The following TSPAN13 variants were observed in gnomAD, a reference collection of about 807,000 sequenced individuals.
The protein encoded by TSPAN13 is tetraspanin 13, also known as tetraspanin-13.
Under a neutral mutation model 26.9 loss-of-function variants are expected in TSPAN13, and 18 were observed. The observed-to-expected ratio is 0.67, with a 90% CI of 0.46 to 0.99. The LOEUF is 0.99. Among genes scored for constraint, TSPAN13 ranks in the 50% least tolerant of loss-of-function variants. The pLI, the probability that TSPAN13 is intolerant of heterozygous loss-of-function variation, is 0.00. For synonymous variants in TSPAN13, 116 were observed against 98.4 expected, an observed-to-expected ratio of 1.18 and a Z score of -1.06; for missense variants, 201 against 249.6, an observed-to-expected ratio of 0.81 and a Z score of 1.31.
At chr7:16,780,344 C>T (rs547139642) in intron 5 of TSPAN13, among the ~76,000 whole-genome samples, 3 of 152,276 alleles carry the variant, frequency 2.0e-5, no homozygotes, top group Admixed American at 1.3e-4. Context: ...AAGTGATCTG[C>T]CAACCTCAAC....
In TSPAN13 at chr7:16,778,703, A is replaced by ATGATC. The variant is rs1225490043; in HGVS notation, c.427-298_427-297insATCTG. Among the ~76,000 whole-genome samples the ATGATC allele has an allele frequency of 2.6e-5, 4 of 152,312 alleles. No individual in the cohort carries two copies. In the East Asian group the frequency reaches 7.7e-4, roughly 29 times the overall value. On this transcript the variant is annotated intron_variant, in intron 4 of 5. Transcript: ENST00000262067. ...GTGAGAATCTCTCCATTCTGTTAAGATGGAGTCTTTTGTAATGCGTAATGG... is the reference window on the plus strand; with the variant it reads ...GTGAGAATCTCTCCATTCTGTTAAGATGATCTGGAGTCTTTTGTAATGCGTAATGG...
At chr7:16,754,102 C>T (rs1199207514) in intron 1 of TSPAN13, 72 bp downstream of exon 1, 2 of 1,490,696 alleles carry the variant, frequency 1.3e-6, no homozygotes, top group Non-Finnish European at 1.8e-6. Flanking sequence ...GGCTTCCCTG[C>T]CTGGTCAGCG....
intron 4 of TSPAN13, among the ~76,000 whole-genome samples, chr7:16,778,524 C>G (rs1212533864): frequency 6.6e-6 from 1 of 152,220 alleles, no homozygotes; most frequent in Non-Finnish European, 1.5e-5. Context: ...GTCCTCTCCC[C>G]ACGCTCAGTG....
intron 1 of TSPAN13, among the ~76,000 whole-genome samples, chr7:16,763,679 C>T (rs535737681): frequency 6.6e-6 from 1 of 152,210 alleles, no homozygotes; most frequent in African/African-American, 2.4e-5. Flanking sequence ...ACCCTGTTGG[C>T]TTATGGACCT....
chr7:16,768,923 G>A (rs1246428774), intron 1 of TSPAN13, among the ~76,000 whole-genome samples: 3 of 152,034 alleles, frequency 2.0e-5, no homozygotes, highest in Non-Finnish European at 2.9e-5. Flanking sequence ...GTCACCCAGG[G>A]TGGAGTGCAG....
intron 1 of TSPAN13, among the ~76,000 whole-genome samples, chr7:16,760,972 A>G (rs568080927): frequency 1.3e-5 from 2 of 152,188 alleles, no homozygotes; most frequent in Non-Finnish European, 2.9e-5. Flanking sequence ...TGAATGCAGG[A>G]ATCAGTACAG....
chr7:16,763,440 G>C (rs893231574), intron 1 of TSPAN13, among the ~76,000 whole-genome samples: 5 of 152,200 alleles, frequency 3.3e-5, no homozygotes, highest in African/African-American at 1.2e-4. Context: ...ACATCCAGTA[G>C]TTGGGTCATA....
At chr7:16,777,713 A>G in intron 3 of TSPAN13, 85 bp from the exon 4 acceptor site, 1 of 844,728 alleles carries the variant, frequency 1.2e-6, no homozygotes. Flanking sequence ...TATTTTAGGT[A>G]CACTTAGTAC....
chr7:16,759,638 A>G (rs2115321603), intron 1 of TSPAN13, among the ~76,000 whole-genome samples: 1 of 152,208 alleles, frequency 6.6e-6, no homozygotes, highest in Non-Finnish European at 1.5e-5. Flanking sequence ...AGGTAGAGGG[A>G]ATCGTCTTTG....
chr7:16,775,059 A>T (rs1003388493), intron 1 of TSPAN13, among the ~76,000 whole-genome samples: 1 of 152,224 alleles, frequency 6.6e-6, no homozygotes, highest in Non-Finnish European at 1.5e-5. Context: ...AGCAAAGTTT[A>T]TCAGGCTTTT....
chr7:16,783,280 GA>G (rs1376638255), intron 5 of TSPAN13, 136 bp from the exon 6 acceptor site: 11 of 832,650 alleles, frequency 1.3e-5, no homozygotes, highest in East Asian at 2.7e-5. Context: ...ATTTCAAAAA[GA>G]AAAAAAATCT....
At chr7:16,771,630 C>A (rs896423604) in intron 1 of TSPAN13, among the ~76,000 whole-genome samples, 5 of 152,130 alleles carry the variant, frequency 3.3e-5, no homozygotes, top group African/African-American at 4.8e-5. Flanking sequence ...TGCAGAAAAC[C>A]CTCAGAAACT....
At chr7:16,779,174 A>G (rs6461276) in intron 5 of TSPAN13, 58 bp downstream of exon 5, 488,457 of 1,303,252 alleles carry the variant, frequency 0.37, 93,429 homozygotes, top group Middle Eastern at 0.41. Context: ...GTTTTGCATG[A>G]CAAAGGGCCT....
At chr7:16,779,668 A>G (rs1784793257) in intron 5 of TSPAN13, among the ~76,000 whole-genome samples, 2 of 151,912 alleles carry the variant, frequency 1.3e-5, no homozygotes, top group Admixed American at 6.6e-5. Flanking sequence ...ATGTGTATTT[A>G]TCATATATTT....
rs1010848710 is a variant in TSPAN13 at position 16,753,789 on chromosome 7, G to T, written c.-179G>T. ...CTGCGGCGGCCGCAGGTTCCAAAGC[G>T]GGTCCGAGCCGCCGCCGCGCGCGCG... On this transcript the variant is annotated 5_prime_UTR_variant, in exon 1 of 6. Coordinates refer to ENST00000262067, the MANE Select transcript of TSPAN13 (RefSeq NM_014399.4). 1 of 491,056 alleles carries T rather than the reference G, an allele frequency of 2.0e-6. No individual in the cohort carries two copies. The highest frequency in any genetic ancestry group is 3.4e-6 in the Non-Finnish European group (1 of 291,462). 30.4% of individuals were successfully genotyped at this position (491,056 alleles called of 1,614,324 possible).
intron 1 of TSPAN13, among the ~76,000 whole-genome samples, chr7:16,773,638 A>T (rs983449583): frequency 6.6e-6 from 1 of 152,208 alleles, no homozygotes; most frequent in East Asian, 1.9e-4. Context: ...GTCGGTGAAT[A>T]ATTAACTTTT....
intron 1 of TSPAN13, among the ~76,000 whole-genome samples, chr7:16,757,514 A>C (rs1005151403): frequency 2.0e-5 from 3 of 152,174 alleles, no homozygotes; most frequent in Non-Finnish European, 2.9e-5. Context: ...AACCAAAAAA[A>C]AGGTAGCTGA....
Position 16,755,541 on chromosome 7 carries a change from G to GT in TSPAN13, c.63+1528dup, listed in dbSNP as rs34234997. ...AGTAAATGCTGACCAGTTCTCTAGG[G>GT]TTTTTTTTTTTTTTTTTAAATCAGT... On this transcript the variant is annotated intron_variant, in intron 1 of 5. Transcript: ENST00000262067. Among the ~76,000 whole-genome samples, 573 of 139,348 alleles carry GT rather than the reference G, an allele frequency of 4.1e-3. 6 individuals are homozygous for GT. The highest frequency in any genetic ancestry group is 7.9e-3 in the African/African-American group (295 of 37,400). The allele number at this position is 139,348 out of a possible 152,430, so 91.4% of individuals were successfully genotyped here. A position where few individuals can be genotyped will look rare whatever the true frequency, so the allele number is the denominator to read the frequency against.
chr7:16,779,836 A>T (rs1278831855), intron 5 of TSPAN13, among the ~76,000 whole-genome samples: 2 of 151,400 alleles, frequency 1.3e-5, no homozygotes, highest in South Asian at 4.2e-4. Context: ...CAGTGGCACA[A>T]TCTTGGCTCA....
Sources: gnomAD v4.1 joint callset for allele counts (sites outside exome capture counted in the v4.1 genomes callset) on GRCh38, gnomAD v4.1.1 for gene constraint, MANE v1.5 for transcripts, NCBI Gene and HGNC (gene_info 2026-07-23, HGNC 2026-07-21) for gene names.